Variants in PRR5 observed in about 807,000 individuals in gnomAD.
The protein encoded by PRR5 is proline-rich protein 5.
In PRR5, 25 loss-of-function variants were observed where a neutral mutation model predicts 30.6. The observed-to-expected ratio is 0.82, with a 90% CI of 0.60 to 1.14. PRR5 has a LOEUF of 1.14. Among genes scored for constraint, PRR5 ranks in the 50% most tolerant of loss-of-function variants. The pLI is 0.00. For missense variants in PRR5, 600 were observed against 547.1 expected (o/e 1.10, Z -0.96); for synonymous variants, 286 against 247.1 (o/e 1.16, Z -1.48).
At chr22:44,688,437 T>C (rs1177126018) in intron 1 of PRR5, among the ~76,000 whole-genome samples, 1 of 152,158 alleles carries the variant, frequency 6.6e-6, no homozygotes, top group Non-Finnish European at 1.5e-5. Context: ...AGAGTGCAAC[T>C]AGTAGAGCAT....
rs140565121 is a variant in PRR5, at chr22:44,726,548, G to C, written c.265-29G>C. 134 of 1,613,746 alleles carry C rather than the reference G, an allele frequency of 8.3e-5. 1 individual carries two copies. Among genetic ancestry groups the C allele is most frequent in the Admixed American group, 3.3e-5 (2 of 60,008 alleles). ...GACACCCCCGGGCATCCACAAGGGC[G>C]GTGACAGCCCCTCTGTGTTTACCTT... On this transcript the variant is annotated intron_variant, in intron 3 of 7. Coordinates refer to ENST00000336985, the MANE Select transcript of PRR5 (RefSeq NM_181333.4).
rs1220906969 is a variant in PRR5 at position 44,688,967 on chromosome 22, A to C, written c.-11+11727A>C. On this transcript the variant is annotated intron_variant, in intron 1 of 8. Transcript: ENST00000006251. ...CACTCCACCGCACTCCAGCTATTACATCTTATATCTTATGTGTTATAATAT... is the reference window on the plus strand; with the variant it reads ...CACTCCACCGCACTCCAGCTATTACCTCTTATATCTTATGTGTTATAATAT... Among the ~76,000 whole-genome samples the C allele has an allele frequency of 2.6e-5, 4 of 152,100 alleles. No individual in the cohort carries two copies. In the East Asian group the frequency reaches 7.7e-4, roughly 29 times the overall value.
At chr22:44,725,355 G>A in intron 3 of PRR5, 63 bp downstream of exon 3, 3 of 1,604,050 alleles carry the variant, frequency 1.9e-6, no homozygotes, top group South Asian at 1.1e-5. Flanking sequence ...AAGCACAGGG[G>A]CTCACCTGCC....
chr22:44,698,346 T>A (rs183171321), upstream of PRR5, among the ~76,000 whole-genome samples: 180 of 143,338 alleles, frequency 1.3e-3, no homozygotes, highest in African/African-American at 4.6e-3. Flanking sequence ...GGCTTTGGGG[T>A]TGTGTGAATG....
In PRR5 at chr22:44,736,932, G is replaced by A. The variant is rs761791524; in HGVS notation, c.852G>A (p.Ser284=). The A allele has an allele frequency of 1.2e-5, 20 of 1,607,106 alleles. No homozygotes were observed. The highest frequency in any genetic ancestry group is 6.7e-5 in the East Asian group (3 of 44,796). ...GGTSIRRHSV[S]EMTSCPEPQG... ...CCAGCATCCGCAGGCACTCTGTGTC[G>A]GAGATGACGTCCTGCCCCGAGCCTC... The change falls in exon 8 of 8, where the codon TCG becomes TCA. Residue 284 remains serine (S), a synonymous_variant. Coordinates refer to ENST00000336985, the MANE Select transcript of PRR5 (RefSeq NM_181333.4).
rs1219050446 is a variant in PRR5 at position 44,702,562 on chromosome 22, C to T, written c.88C>T (p.Arg30Trp). ...AGAGCCGGCCGCCGCCGCGGACGAGCGGGGCACGCAGCAGCGCCGGGCCTG... is the reference window on the plus strand; with the variant it reads ...AGAGCCGGCCGCCGCCGCGGACGAGTGGGGCACGCAGCAGCGCCGGGCCTG... ...KREPAAAADE[R>W]GTQQRRACAN... is the part of the protein sequence containing the mutation. Residue 30 changes from arginine to tryptophan, a missense_variant, in exon 1 of 8, where the codon CGG (arginine) becomes TGG (tryptophan). Coordinates refer to ENST00000336985, the MANE Select transcript of PRR5 (RefSeq NM_181333.4). 2 of 1,436,656 alleles carry T rather than the reference C, an allele frequency of 1.4e-6. No homozygotes were observed. Among genetic ancestry groups the T allele is most frequent in the Non-Finnish European group, 1.8e-6 (2 of 1,093,896 alleles). 89.0% of individuals were successfully genotyped at this position (1,436,656 alleles called of 1,614,324 possible).
At chr22:44,675,762 GTTATTATTATTATTATTATTA>G (rs150864660), upstream of PRR5, among the ~76,000 whole-genome samples, 2 of 142,962 alleles carry the variant, frequency 1.4e-5, no homozygotes, top group African/African-American at 5.1e-5. Flanking sequence ...TGTTGCTGTT[GTTATTATTATTATTATTATTA>G]TTATTATTAT....
intron 1 of PRR5, among the ~76,000 whole-genome samples, chr22:44,707,407 G>C (rs1247556673): frequency 1.3e-5 from 2 of 152,210 alleles, no homozygotes; most frequent in East Asian, 3.9e-4. Flanking sequence ...AGGGTGCCCT[G>C]CTTGGAGGCT....
chr22:44,678,521 G>A (rs931277978), intron 1 of PRR5, among the ~76,000 whole-genome samples: 2 of 151,932 alleles, frequency 1.3e-5, no homozygotes, highest in African/African-American at 4.8e-5. Context: ...CACCATGTTG[G>A]CCAGGCTGGT....
At chr22:44,671,207 C>T (rs374380860) in intron 1 of PRR5, among the ~76,000 whole-genome samples, 7 of 152,124 alleles carry the variant, frequency 4.6e-5, no homozygotes, top group East Asian at 3.9e-4. Context: ...AGAGGGGGGC[C>T]GCAGGGGGCC....
At chr22:44,727,318 G>A (rs1273243602) in intron 4 of PRR5, among the ~76,000 whole-genome samples, 1 of 152,138 alleles carries the variant, frequency 6.6e-6, no homozygotes. Flanking sequence ...CCTTGCAGGA[G>A]CGAGCTGCCC....
At chr22:44,705,452 T>A (rs1217615608) in intron 1 of PRR5, among the ~76,000 whole-genome samples, 3 of 151,186 alleles carry the variant, frequency 2.0e-5, no homozygotes, top group African/African-American at 7.3e-5. Flanking sequence ...GCCTCTGGAG[T>A]AGCTGGGATT....
intron 6 of PRR5, among the ~76,000 whole-genome samples, chr22:44,733,465 C>G (rs948977025): frequency 6.6e-6 from 1 of 152,202 alleles, no homozygotes; most frequent in Admixed American, 6.5e-5. Flanking sequence ...TGAGGACACT[C>G]GGGACCCTCA....
At position 44,691,603 on chromosome 22, in the gene PRR5, GT is replaced by G. The variant is rs1925245499; in HGVS notation, c.-10-10888del. On this transcript the variant is annotated intron_variant, in intron 1 of 8. Coordinates refer to the PRR5 transcript ENST00000006251. This position sits in a 1 kb window ranked among gnomAD's most constrained non-coding sequence, Gnocchi z 4.4. ...AGCCTGGCCAACATGGCAAAACCCC[GT>G]CTCTACTAAAAACACAAAAACTAGC... is the stretch of plus-strand genomic sequence containing the variant. Among the ~76,000 whole-genome samples the G allele has an allele frequency of 6.6e-6, 1 of 152,048 alleles. No individual in the cohort carries two copies. The highest frequency in any genetic ancestry group is 2.1e-4 in the South Asian group (1 of 4,818).
chr22:44,737,390 A>G lies in PRR5; in HGVS notation c.*143A>G. On this transcript the variant is annotated 3_prime_UTR_variant, in exon 8 of 8. Transcript: ENST00000336985. ...TCGTCACTGGCCTTGGTCACTTTGT[A>G]TTTCTGTCTTGGTTGGAAATACCAT... 2 of 1,394,050 alleles carry G rather than the reference A, an allele frequency of 1.4e-6. No homozygotes were observed. Among genetic ancestry groups the G allele is most frequent in the African/African-American group, 1.4e-5 (1 of 69,106 alleles). 86.4% of individuals were successfully genotyped at this position (1,394,050 alleles called of 1,614,324 possible). A position where few individuals can be genotyped will look rare whatever the true frequency, so the allele number is the denominator to read the frequency against.
chr22:44,727,196 T>C (rs1602073694), intron 4 of PRR5, among the ~76,000 whole-genome samples: 1 of 152,224 alleles, frequency 6.6e-6, no homozygotes. Context: ...TGCCTGACTT[T>C]AGGGCACACA....
chr22:44,702,356 C>A lies in PRR5; in HGVS notation c.-119C>A. ...GGACCCCGCAGGACCGCTCGGCTTC[C>A]TGCTCTCGCCGGAGTTTCCGCGTAG... On this transcript the variant is annotated 5_prime_UTR_variant, in exon 1 of 8. In the 5' UTR this introduces an upstream ATG that the reference lacks. Coordinates refer to ENST00000336985, the MANE Select transcript of PRR5 (RefSeq NM_181333.4). 1 of 1,184,568 alleles carries A rather than the reference C, an allele frequency of 8.4e-7. No homozygotes were observed. The highest frequency in any genetic ancestry group is 1.0e-6 in the Non-Finnish European group (1 of 955,654). 73.4% of individuals were successfully genotyped at this position (1,184,568 alleles called of 1,614,324 possible).
chr22:44,711,486 A>G (rs1391098858), intron 1 of PRR5, among the ~76,000 whole-genome samples: 1 of 152,054 alleles, frequency 6.6e-6, no homozygotes, highest in Non-Finnish European at 1.5e-5. Flanking sequence ...CCCATGGTGT[A>G]GGGTCACCTC....
At chr22:44,679,684 C>T in intron 1 of PRR5, 1 of 981,506 alleles carries the variant, frequency 1.0e-6, no homozygotes, top group Admixed American at 2.6e-5. Flanking sequence ...CCAGCCTGGG[C>T]AACAAGAGCG....
Sources: gnomAD v4.1 joint callset for allele counts (sites outside exome capture counted in the v4.1 genomes callset) on GRCh38, gnomAD v4.1.1 for gene constraint, Gnocchi (gnomAD v3.1) non-coding constraint, MANE v1.5 for transcripts, NCBI Gene and HGNC (gene_info 2026-07-23, HGNC 2026-07-21) for gene names.